USP25: variants seen among roughly 807,000 people sequenced by gnomAD.
The protein encoded by USP25 is ubiquitin carboxyl-terminal hydrolase 25.
A neutral mutation model predicts 158.5 loss-of-function variants in USP25; 85 were observed. The observed-to-expected ratio is 0.54, with a 90% CI of 0.45 to 0.64. The LOEUF (loss-of-function observed/expected upper bound fraction) is 0.64. Ranked by LOEUF, USP25 falls within the 30% of genes least tolerant of loss-of-function variation. The pLI is 0.00. For synonymous variants in USP25, 464 were observed against 460.4 expected, an observed-to-expected ratio of 1.01 and a Z score of -0.10; for missense variants, 1,242 against 1,327.3, an observed-to-expected ratio of 0.94 and a Z score of 1.00.
chr21:15,859,911 A>G (rs1000540492), intron 20 of USP25, among the ~76,000 whole-genome samples: 4 of 147,704 alleles, frequency 2.7e-5, no homozygotes, highest in South Asian at 2.1e-4. Context: ...CTCCTACTTT[A>G]TATTTTATTT....
chr21:15,738,531 G>A (rs1377563868), intron 1 of USP25, among the ~76,000 whole-genome samples: 1 of 152,050 alleles, frequency 6.6e-6, no homozygotes. Context: ...CTGTTATATG[G>A]CAGTGCTTTT....
chr21:15,743,792 A>G (rs1423393565), intron 1 of USP25, among the ~76,000 whole-genome samples: 1 of 152,040 alleles, frequency 6.6e-6, no homozygotes, highest in African/African-American at 2.4e-5. Flanking sequence ...GAATTGGTCT[A>G]CTGTGGCGCC....
At chr21:15,750,865 G>A (rs911285111) in intron 1 of USP25, among the ~76,000 whole-genome samples, 6 of 150,844 alleles carry the variant, frequency 4.0e-5, no homozygotes, top group African/African-American at 7.3e-5. Flanking sequence ...CTCCGCCTCC[G>A]CCTCCGCCTC....
intron 4 of USP25, among the ~76,000 whole-genome samples, chr21:15,787,328 G>C (rs368125664): frequency 6.6e-5 from 10 of 152,024 alleles, no homozygotes; most frequent in South Asian, 2.1e-4. Flanking sequence ...AAAAGGTAGA[G>C]GCATCACTAC....
chr21:15,782,325 T>C (rs1208708115), intron 4 of USP25, among the ~76,000 whole-genome samples: 1 of 152,168 alleles, frequency 6.6e-6, no homozygotes, highest in African/African-American at 2.4e-5. Flanking sequence ...TGGAGGATTG[T>C]GCACAGCTGC....
At chr21:15,782,438 G>A (rs932070305) in intron 4 of USP25, among the ~76,000 whole-genome samples, 2 of 152,124 alleles carry the variant, frequency 1.3e-5, no homozygotes, top group African/African-American at 4.8e-5. Flanking sequence ...CCAGACCTGT[G>A]TGCATCCACC....
At chr21:15,856,526 C>T (rs1336301537) in intron 20 of USP25, among the ~76,000 whole-genome samples, 1 of 151,524 alleles carries the variant, frequency 6.6e-6, no homozygotes, top group Non-Finnish European at 1.5e-5. Flanking sequence ...GGCTGGAGTG[C>T]AGTGGCGCAG....
At chr21:15,857,628 CAATT>C (rs1039982815) in intron 20 of USP25, among the ~76,000 whole-genome samples, 3 of 151,980 alleles carry the variant, frequency 2.0e-5, no homozygotes, top group African/African-American at 7.2e-5. Flanking sequence ...TCTTCTAAGA[CAATT>C]GATTCATCTG....
chr21:15,846,137 TATATATATATATATATA>T (rs2038582270), intron 18 of USP25, among the ~76,000 whole-genome samples: 3 of 52,588 alleles, frequency 5.7e-5, no homozygotes, highest in Admixed American at 3.3e-4. Context: ...TATATATATA[TATATATATATATATATA>T]TATATTTTTT....
At chr21:15,851,295 C>T (rs2038876335) in intron 20 of USP25, among the ~76,000 whole-genome samples, 4 of 152,002 alleles carry the variant, frequency 2.6e-5, no homozygotes. Context: ...GTATATATTA[C>T]AACAGTTAGT....
intron 1 of USP25, among the ~76,000 whole-genome samples, chr21:15,733,828 C>T (rs575385057): frequency 1.3e-5 from 2 of 152,210 alleles, no homozygotes; most frequent in East Asian, 3.9e-4. Flanking sequence ...GGCGACAGAG[C>T]AAGACTCCAT....
At chr21:15,792,765 A>C (rs900884748) in intron 5 of USP25, among the ~76,000 whole-genome samples, 3 of 150,856 alleles carry the variant, frequency 2.0e-5, no homozygotes, top group Non-Finnish European at 4.4e-5. Flanking sequence ...ATATAATTTG[A>C]TTTTCTTTGT....
chr21:15,850,884 A>G (rs574638504), intron 20 of USP25, among the ~76,000 whole-genome samples: 106 of 152,210 alleles, frequency 7.0e-4, no homozygotes, highest in African/African-American at 2.5e-3. Flanking sequence ...CAGGATTTAA[A>G]GTGCTAAACT....
At chr21:15,804,464 A>T (rs898468386) in intron 6 of USP25, among the ~76,000 whole-genome samples, 6 of 151,678 alleles carry the variant, frequency 4.0e-5, no homozygotes, top group Admixed American at 2.0e-4. Flanking sequence ...ATGAGTATAA[A>T]ATAATTTTAT....
Position 15,799,825 on chromosome 21 carries a change from T to C in USP25, c.624T>C (p.Asp208=), listed in dbSNP as rs149178449. The C allele has an allele frequency of 3.7e-5, 59 of 1,604,188 alleles. No individual in the cohort carries two copies. In the Middle Eastern group the frequency reaches 5.0e-4, roughly 14 times the overall value. The part of the protein sequence containing the change: ...LNYKPPSNAQ[D]LPRNQKEHRN... Reference sequence around the variant, plus strand: ...ACAAGCCTCCATCAAATGCTCAAGATTTACCCCGAAACCAAAAGGTAAAAT... The same window carrying C: ...ACAAGCCTCCATCAAATGCTCAAGACTTACCCCGAAACCAAAAGGTAAAAT... The change falls in exon 6 of 26, where the codon GAT becomes GAC. Residue 208 remains aspartate, a synonymous_variant. Coordinates refer to ENST00000400183, the MANE Select transcript of USP25 (RefSeq NM_001283041.3).
chr21:15,806,461 A>C (rs1315516585), intron 7 of USP25, among the ~76,000 whole-genome samples: 2 of 137,370 alleles, frequency 1.5e-5, no homozygotes, highest in African/African-American at 2.7e-5. Context: ...CTAGAGATTC[A>C]TGTTGATTTT....
In USP25 at chr21:15,826,399, T is replaced by TA. The variant is rs76823021; in HGVS notation, c.1466+35dup. 2.6e-4 allele frequency: 425 copies of TA among 1,607,728 alleles called. 4 individuals carry two copies. The East Asian group carries it at 6.6e-3, about 25-fold the overall frequency. ...TAATCCTGATGCAAGAGACAGTTGT[T>TA]ACCTTTATTACACAATAATGTAACT... On this transcript the variant is annotated intron_variant, in intron 13 of 25. Transcript: ENST00000400183. This position sits in a 1 kb window ranked among gnomAD's most constrained non-coding sequence, Gnocchi z 4.8.
chr21:15,795,131 A>G (rs758891121), intron 5 of USP25, among the ~76,000 whole-genome samples: 1 of 151,536 alleles, frequency 6.6e-6, no homozygotes, highest in African/African-American at 2.4e-5. Context: ...ATTTTTCTAA[A>G]TGACATGCCT....
At chr21:15,735,772 T>C (rs2031432575) in intron 1 of USP25, among the ~76,000 whole-genome samples, 1 of 152,180 alleles carries the variant, frequency 6.6e-6, no homozygotes, top group African/African-American at 2.4e-5. Flanking sequence ...CTTTGAAGAT[T>C]TGGTGAACAT....
Sources: gnomAD v4.1 joint callset for allele counts (sites outside exome capture counted in the v4.1 genomes callset) on GRCh38, gnomAD v4.1.1 for gene constraint, Gnocchi (gnomAD v3.1) non-coding constraint, MANE v1.5 for transcripts, NCBI Gene and HGNC (gene_info 2026-07-23, HGNC 2026-07-21) for gene names.